Variants in ALCAM observed in about 807,000 individuals in gnomAD.
ALCAM encodes activated leukocyte cell adhesion molecule, also known as CD166 antigen.
ALCAM carries 30 observed loss-of-function variants against 70.9 expected under a neutral mutation model. That is an observed-to-expected ratio of 0.42 (90% CI 0.32 to 0.57). The LOEUF (loss-of-function observed/expected upper bound fraction) is 0.57. Ranked by LOEUF, ALCAM falls within the 20% of genes least tolerant of loss-of-function variation. The probability of loss-of-function intolerance (pLI) is 0.11; values close to 1 mark genes in which losing one functional copy is unlikely to be tolerated. For missense variants in ALCAM, 591 were observed against 695.1 expected, an observed-to-expected ratio of 0.85 and a Z score of 1.68; for synonymous variants, 249 against 242.5, an observed-to-expected ratio of 1.03 and a Z score of -0.25.
Position 105,367,415 on chromosome 3 carries a change from T to C in ALCAM, c.7T>C (p.Ser3Pro). ...ACCAAGAAGGAGGAGGAATATGGAA[T>C]CCAAGGGGGCCAGTTCCTGCCGTCT... ME[S>P]KGASSCRLLF... Residue 3 changes from serine (S) to proline (P), a missense_variant, in exon 1 of 16, where the codon TCC becomes CCC. Around this residue, in one of 2 missense-constraint regions of ALCAM, gnomAD observed 427 missense variants for 450.4 expected, o/e 0.95. Coordinates refer to ENST00000306107, the MANE Select transcript of ALCAM (RefSeq NM_001627.4). The C allele has an allele frequency of 6.2e-7, 1 of 1,613,802 alleles. No homozygotes were observed. Among genetic ancestry groups the C allele is most frequent in the Non-Finnish European group, 8.5e-7 (1 of 1,179,862 alleles).
intron 1 of ALCAM, among the ~76,000 whole-genome samples, chr3:105,378,133 C>T (rs1357370884): frequency 6.6e-6 from 1 of 151,714 alleles, no homozygotes; most frequent in African/African-American, 2.4e-5. Flanking sequence ...AAATCAGTGC[C>T]ACTAAATATT....
At chr3:105,544,132 C>T (rs1425287574) in intron 8 of ALCAM, among the ~76,000 whole-genome samples, 1 of 151,628 alleles carries the variant, frequency 6.6e-6, no homozygotes, top group Admixed American at 6.6e-5. Context: ...AAAGACACAA[C>T]TCCTAGTGTG....
intron 14 of ALCAM, among the ~76,000 whole-genome samples, chr3:105,556,043 A>G (rs1381815106): frequency 2.0e-5 from 3 of 152,034 alleles, no homozygotes; most frequent in Non-Finnish European, 4.4e-5. Context: ...TTGAAGAACT[A>G]GAGATATTTC....
intron 1 of ALCAM, among the ~76,000 whole-genome samples, chr3:105,372,738 G>C (rs1419156962): frequency 1.3e-5 from 2 of 152,088 alleles, no homozygotes; most frequent in African/African-American, 4.8e-5. Context: ...CAGCTGTCCA[G>C]CTTCTCTGAT....
chr3:105,528,335 G>A (rs1360746179), intron 3 of ALCAM, among the ~76,000 whole-genome samples: 1 of 152,032 alleles, frequency 6.6e-6, no homozygotes, highest in African/African-American at 2.4e-5. Context: ...AATAGTCTGG[G>A]TATTAGAACA....
chr3:105,515,046 G>T lies in ALCAM; in HGVS notation c.74-5021G>T, dbSNP rs190443300. Among the ~76,000 whole-genome samples the T allele has an allele frequency of 2.1e-5, 3 of 142,438 alleles. No homozygotes were observed. The East Asian group carries it at 6.8e-4, about 32-fold the overall frequency. The allele number at this position is 142,438 out of a possible 152,430, so 93.4% of individuals were successfully genotyped here. Reference sequence around the variant, plus strand: ...AATTACTTGGCAGTTATAGCCCTTTGTATCTCACACACACACACATGCACA... The same window carrying T: ...AATTACTTGGCAGTTATAGCCCTTTTTATCTCACACACACACACATGCACA... On this transcript the variant is annotated intron_variant, in intron 1 of 15. Coordinates refer to ENST00000306107, the MANE Select transcript of ALCAM (RefSeq NM_001627.4).
chr3:105,522,437 A>C (rs1436208124), intron 2 of ALCAM, among the ~76,000 whole-genome samples: 1 of 152,226 alleles, frequency 6.6e-6, no homozygotes, highest in African/African-American at 2.4e-5. Context: ...CAATGCTCTA[A>C]TTTAATGTAA....
chr3:105,404,765 C>G (rs1197335322), intron 1 of ALCAM, among the ~76,000 whole-genome samples: 1 of 151,826 alleles, frequency 6.6e-6, no homozygotes, highest in Non-Finnish European at 1.5e-5. Context: ...TGTAAATGAC[C>G]TAAATGCTCC....
intron 1 of ALCAM, among the ~76,000 whole-genome samples, chr3:105,509,484 A>G (rs993634879): frequency 1.6e-4 from 24 of 151,830 alleles, no homozygotes; most frequent in East Asian, 1.9e-4. Flanking sequence ...ACCTTTTCAT[A>G]TATCTATTGG....
chr3:105,455,069 T>C (rs1937516780), intron 1 of ALCAM, among the ~76,000 whole-genome samples: 1 of 152,150 alleles, frequency 6.6e-6, no homozygotes, highest in Non-Finnish European at 1.5e-5. Context: ...ACACCTGTCT[T>C]TGATAATACT....
intron 2 of ALCAM, among the ~76,000 whole-genome samples, chr3:105,520,977 G>A (rs562016441): frequency 6.6e-6 from 1 of 152,270 alleles, no homozygotes; most frequent in South Asian, 2.1e-4. Flanking sequence ...ATTTGCAAAG[G>A]AAAAGAATTT....
chr3:105,574,019 CAT>C (rs1348072581), intron 15 of ALCAM, among the ~76,000 whole-genome samples: 1 of 152,148 alleles, frequency 6.6e-6, no homozygotes, highest in African/African-American at 2.4e-5. Flanking sequence ...AAGTATGCAG[CAT>C]TCCCACATGA....
rs528337961 is a variant in ALCAM, at chr3:105,460,197, C to T, written c.74-59870C>T. On this transcript the variant is annotated intron_variant, in intron 1 of 15. Coordinates refer to ENST00000306107, the MANE Select transcript of ALCAM (RefSeq NM_001627.4). ...AAGGGAAACCTTTTTTCCCTTTTGT[C>T]GTTATGAAATCCACTCTTCTGCAGA... Among the ~76,000 whole-genome samples, 261 of 151,962 alleles carry T rather than the reference C, an allele frequency of 1.7e-3. 2 individuals carry two copies. The highest frequency in any genetic ancestry group is 2.9e-4 in the Non-Finnish European group (20 of 67,868).
chr3:105,499,912 T>C (rs1044357834), intron 1 of ALCAM, among the ~76,000 whole-genome samples: 1 of 152,212 alleles, frequency 6.6e-6, no homozygotes, highest in African/African-American at 2.4e-5. Context: ...ATTTCACAAT[T>C]AGATTTTAGA....
chr3:105,436,164 A>G (rs1320285517), intron 1 of ALCAM, among the ~76,000 whole-genome samples: 1 of 151,982 alleles, frequency 6.6e-6, no homozygotes, highest in Non-Finnish European at 1.5e-5. Context: ...CCCACAACAC[A>G]TGGGAATTAT....
At chr3:105,420,330 A>G (rs533491326) in intron 1 of ALCAM, among the ~76,000 whole-genome samples, 55 of 151,758 alleles carry the variant, frequency 3.6e-4, no homozygotes, top group African/African-American at 1.3e-3. Flanking sequence ...AACATTACTT[A>G]TGTAGGCACT....
At chr3:105,413,113 G>A (rs1347544125) in intron 1 of ALCAM, among the ~76,000 whole-genome samples, 2 of 152,022 alleles carry the variant, frequency 1.3e-5, no homozygotes, top group African/African-American at 2.4e-5. Context: ...ATAGTGACAC[G>A]TGACCTTGTA....
At chr3:105,500,081 C>T (rs551368640) in intron 1 of ALCAM, among the ~76,000 whole-genome samples, 2 of 152,174 alleles carry the variant, frequency 1.3e-5, no homozygotes, top group Non-Finnish European at 2.9e-5. Context: ...ACACAGGATC[C>T]TCACTGGAGG....
At chr3:105,384,647 C>T (rs192169444) in intron 1 of ALCAM, among the ~76,000 whole-genome samples, 73 of 151,528 alleles carry the variant, frequency 4.8e-4, no homozygotes, top group Admixed American at 1.4e-3. Context: ...CCAGATAAAC[C>T]AATATAAATA....
Sources: allele counts gnomAD v4.1 joint callset (sites outside exome capture counted in the v4.1 genomes callset), GRCh38; gene constraint gnomAD v4.1.1; regional missense constraint gnomAD v4.1.1; transcripts MANE v1.5; gene names NCBI Gene and HGNC (gene_info 2026-07-23, HGNC 2026-07-21).